ABCC10: variants seen among roughly 807,000 people sequenced by gnomAD.
ABCC10 encodes ATP binding cassette subfamily C member 10, also known as ATP-binding cassette sub-family C member 10.
ABCC10 carries 110 observed loss-of-function variants against 143.2 expected under a neutral mutation model. The observed-to-expected ratio is 0.77, with a 90% CI of 0.66 to 0.90. The LOEUF (loss-of-function observed/expected upper bound fraction) is 0.90. ABCC10 is among the 40% of genes least tolerant of loss of function. The probability of loss-of-function intolerance (pLI) is 0.00; values close to 1 mark genes in which losing one functional copy is unlikely to be tolerated. For synonymous variants in ABCC10, 805 were observed against 846.7 expected, an observed-to-expected ratio of 0.95 and a Z score of 0.85; for missense variants, 1,700 against 1,900.5, an observed-to-expected ratio of 0.89 and a Z score of 1.96.
Position 43,443,101 on chromosome 6 carries a change from G to C in ABCC10, c.2358G>C (p.Glu786Asp). ...TTRLLCTHRT[E>D]YLERADAVLL... ...GGCTGCTCTGCACCCACCGCACTGA[G>C]TACCTGGAGAGGGCTGACGCGGTGC... is the stretch of plus-strand genomic sequence containing the variant. The change falls in exon 10 of 22, where the codon GAG becomes GAC. Residue 786 changes from glutamate (E) to aspartate (D), a missense_variant. Transcript: ENST00000372530. This position sits in a 1 kb window ranked among gnomAD's most constrained non-coding sequence, Gnocchi z 4.2. 6.2e-7 allele frequency: 1 copy of C among 1,611,872 alleles called. No homozygotes were observed. The highest frequency in any genetic ancestry group is 8.5e-7 in the Non-Finnish European group (1 of 1,179,948).
chr6:43,433,344 A>G lies in ABCC10; in HGVS notation c.1364A>G (p.Lys455Arg). 1 of 1,612,140 alleles carries G rather than the reference A, an allele frequency of 6.2e-7. No homozygotes were observed. The highest frequency in any genetic ancestry group is 8.5e-7 in the Non-Finnish European group (1 of 1,178,504). The part of the protein sequence containing the change: ...MASNQEMLQH[K>R]DARVKLVTEL... ...AGCAACCAGGAAATGCTACAGCACA[A>G]GGATGCGCGGGTTAAGGTGAGCGGG... The change falls in exon 3 of 22, where the codon AAG becomes AGG. Residue 455 changes from lysine to arginine, a missense_variant. Physicochemically the swap from Lys to Arg is conservative, Grantham distance 26. Transcript: ENST00000372530.
Position 43,432,434 on chromosome 6 carries a change from T to G in ABCC10, c.454T>G (p.Leu152Val). Residue 152 changes from leucine to valine, a missense_variant, in exon 3 of 22, where the codon TTG (leucine) becomes GTG (valine). Leu to Val is a conservative substitution (Grantham distance 32, BLOSUM62 1). Coordinates refer to ENST00000372530, the MANE Select transcript of ABCC10 (RefSeq NM_001198934.2). Reference sequence around the variant, plus strand: ...AGCTCCAGCCCTAGTGCTGACCGTGTTGTGGCATTGCCAGCGAGGCACACT... The same window carrying G: ...AGCTCCAGCCCTAGTGCTGACCGTGGTGTGGCATTGCCAGCGAGGCACACT... ...LPAPALVLTV[L>V]WHCQRGTLLP... is the part of the protein sequence containing the mutation. 1 of 1,611,926 alleles carries G rather than the reference T, an allele frequency of 6.2e-7. No homozygotes were observed. The highest frequency in any genetic ancestry group is 8.5e-7 in the Non-Finnish European group (1 of 1,180,028).
chr6:43,450,429 G>T, downstream of ABCC10: 1 of 1,234,550 alleles, frequency 8.1e-7, no homozygotes, highest in Non-Finnish European at 1.1e-6. The surrounding 1 kb of genome is among the most constrained non-coding windows in gnomAD (Gnocchi z 4.5). Flanking sequence ...CTGGTGTGAG[G>T]CTGAGGTCTC....
rs1235414623 is a variant in ABCC10 at position 43,446,336 on chromosome 6, G to A, written c.3434G>A (p.Ser1145Asn). Residue 1145 changes from serine to asparagine, a missense_variant, in exon 16 of 22, where the codon AGT becomes AAT. Ser to Asn is a conservative substitution (Grantham distance 46, BLOSUM62 1). Coordinates refer to ENST00000372530, the MANE Select transcript of ABCC10 (RefSeq NM_001198934.2). Reference protein sequence around the residue: ...ELNQRCQFATSATMQWLDIRL... With the variant: ...ELNQRCQFATNATMQWLDIRL... ...AACCAGAGGTGCCAGTTTGCCACCA[G>A]TGCCACAATGCAGTGGCTGGACATT... 1 of 1,613,974 alleles carries A rather than the reference G, an allele frequency of 6.2e-7. No homozygotes were observed. Among genetic ancestry groups the A allele is most frequent in the Non-Finnish European group, 8.5e-7 (1 of 1,179,946 alleles).
At position 43,434,595 on chromosome 6, in the gene ABCC10, G is replaced by A. The variant is rs199712867; in HGVS notation, c.1381-26G>A. The A allele has an allele frequency of 6.9e-4, 1,108 of 1,598,908 alleles. 2 individuals are homozygous for A. Among genetic ancestry groups the A allele is most frequent in the Non-Finnish European group, 9.0e-4 (1,058 of 1,170,278 alleles). On this transcript the variant is annotated intron_variant, in intron 3 of 21. Transcript: ENST00000372530. Reference sequence around the variant, plus strand: ...CACATGAGCAGTGCCTCCACTTCACGCCTCTCCCTTGTCTCCTTTCCCTAG... The same window carrying A: ...CACATGAGCAGTGCCTCCACTTCACACCTCTCCCTTGTCTCCTTTCCCTAG...
intron 18 of ABCC10, 109 bp from the exon 19 acceptor site, chr6:43,448,772 G>C (rs899445180): frequency 4.4e-6 from 6 of 1,369,210 alleles, no homozygotes; most frequent in Non-Finnish European, 6.0e-6. Flanking sequence ...TTATGTTCAG[G>C]TCTCATACCC....
At chr6:43,432,023 A>C in intron 2 of ABCC10, 119 bp from the exon 3 acceptor site, 7 of 1,482,784 alleles carry the variant, frequency 4.7e-6, no homozygotes, top group South Asian at 2.8e-5. Flanking sequence ...AGTAGGGATA[A>C]GATGTGCAAG....
chr6:43,428,795 C>T (rs1780781134), intron 2 of ABCC10, among the ~76,000 whole-genome samples: 1 of 152,076 alleles, frequency 6.6e-6, no homozygotes, highest in Non-Finnish European at 1.5e-5. Context: ...TTTGGGAGTT[C>T]CTAGTCTGAT....
At chr6:43,451,152 A>C (rs747684894), downstream of ABCC10, 1 of 1,614,206 alleles carries the variant, frequency 6.2e-7, no homozygotes, top group Non-Finnish European at 8.5e-7. This position sits in a 1 kb window ranked among gnomAD's most constrained non-coding sequence, Gnocchi z 4.4. Context: ...ACAAGGCCGC[A>C]TCAGGCAGTC....
Position 43,445,665 on chromosome 6 carries a change from G to T in ABCC10, c.3097G>T (p.Ala1033Ser). Residue 1033 changes from alanine to serine, a missense_variant, in exon 15 of 22, where the codon GCC (alanine) becomes TCC (serine). By Grantham distance (99) the Ala-to-Ser change is moderately conservative. Coordinates refer to ENST00000372530, the MANE Select transcript of ABCC10 (RefSeq NM_001198934.2). ...CCTAAACCGCTTCTCCTCTGATGTG[G>T]CCTGTGCGGATGACAGCCTGCCCTT... ...RILNRFSSDV[A>S]CADDSLPFIL... The T allele has an allele frequency of 6.2e-7, 1 of 1,614,216 alleles. No homozygotes were observed. Among genetic ancestry groups the T allele is most frequent in the Non-Finnish European group, 8.5e-7 (1 of 1,180,044 alleles).
At chr6:43,446,228 G>A (rs377526427) in intron 15 of ABCC10, 49 bp from the exon 16 acceptor site, 1 of 1,580,978 alleles carries the variant, frequency 6.3e-7, no homozygotes, top group African/African-American at 1.3e-5. Flanking sequence ...GAGGCTGGGT[G>A]GCTCAGGGCA....
chr6:43,449,825 G>T (rs371736158), intron 21 of ABCC10, 104 bp from the exon 22 acceptor site: 4 of 1,365,816 alleles, frequency 2.9e-6, no homozygotes, highest in East Asian at 5.0e-5. Flanking sequence ...AGCCTGTGGG[G>T]ACAGACCTGT....
Position 43,436,135 on chromosome 6 carries a change from C to A in ABCC10, c.1766-3C>A. 2 of 1,614,216 alleles carry A rather than the reference C, an allele frequency of 1.2e-6. No individual in the cohort carries two copies. The highest frequency in any genetic ancestry group is 1.3e-5 in the African/African-American group (1 of 75,058). ...GCCCAAATCAAGTGGCTTCTCTGTT[C>A]AGATCCCCCTGCAGAGCCATCTACA... On this transcript the variant is annotated splice_region_variant and splice_polypyrimidine_tract_variant and intron_variant, in intron 5 of 21. Coordinates refer to ENST00000372530, the MANE Select transcript of ABCC10 (RefSeq NM_001198934.2).
Position 43,443,919 on chromosome 6 carries a change from C to T in ABCC10, c.2417-14C>T. 2 of 1,608,870 alleles carry T rather than the reference C, an allele frequency of 1.2e-6. No individual in the cohort carries two copies. The highest frequency in any genetic ancestry group is 8.5e-7 in the Non-Finnish European group (1 of 1,175,186). On this transcript the variant is annotated splice_polypyrimidine_tract_variant and intron_variant, in intron 10 of 21. Coordinates refer to ENST00000372530, the MANE Select transcript of ABCC10 (RefSeq NM_001198934.2). This position sits in a 1 kb window ranked among gnomAD's most constrained non-coding sequence, Gnocchi z 4.2. Reference sequence around the variant, plus strand: ...CAGAACAGTCCTCTCCCAATCTCCCCTTCTACCCTCCAGGACCTCCCTCTG... The same window carrying T: ...CAGAACAGTCCTCTCCCAATCTCCCTTTCTACCCTCCAGGACCTCCCTCTG...
At chr6:43,442,605 C>T (rs554090758) in intron 9 of ABCC10, among the ~76,000 whole-genome samples, 4 of 152,014 alleles carry the variant, frequency 2.6e-5, no homozygotes, top group African/African-American at 4.8e-5. Flanking sequence ...TAGCATGCAC[C>T]TGTAGTCCCA....
intron 18 of ABCC10, 71 bp downstream of exon 18, chr6:43,448,008 A>G: frequency 6.3e-7 from 1 of 1,587,998 alleles, no homozygotes; most frequent in South Asian, 1.1e-5. Context: ...GGGCATAGCC[A>G]GGAAGGCTTT....
rs1581718907 is a variant in ABCC10 at position 43,434,912 on chromosome 6, TGGGCC to T, written c.1608+65_1608+69del. The T allele has an allele frequency of 2.4e-5, 37 of 1,539,592 alleles. No individual in the cohort carries two copies. In the East Asian group the frequency reaches 8.4e-4, roughly 35 times the overall value. On this transcript the variant is annotated intron_variant, in intron 4 of 21. Coordinates refer to ENST00000372530, the MANE Select transcript of ABCC10 (RefSeq NM_001198934.2). ...CTTCAGCGAAGTGAAGACAGAGGCT[TGGGCC>T]CTCAGTGCTGGCTGAGAAGGAGGGA...
chr6:43,451,264 G>A (rs1231184388), downstream of ABCC10: 4 of 1,613,820 alleles, frequency 2.5e-6, no homozygotes, highest in Non-Finnish European at 3.4e-6. This position sits in a 1 kb window ranked among gnomAD's most constrained non-coding sequence, Gnocchi z 4.4. Context: ...CCGCCATTGC[G>A]GCATGGGGAG....
rs1389079176 is a variant in ABCC10, at chr6:43,436,164, T to A, written c.1792T>A (p.Leu598Met). 6.2e-7 allele frequency: 1 copy of A among 1,614,022 alleles called. No individual in the cohort carries two copies. Among genetic ancestry groups the A allele is most frequent in the Non-Finnish European group, 8.5e-7 (1 of 1,180,006 alleles). Residue 598 changes from leucine (L) to methionine (M), a missense_variant, in exon 6 of 22, where the codon TTG becomes ATG. Transcript: ENST00000372530. Reference protein sequence around the residue: ...PDPPAEPSTVLELHGALFSWD... With the variant: ...PDPPAEPSTVMELHGALFSWD... The stretch of plus-strand genomic sequence containing the variant: ...TCCCCCTGCAGAGCCATCTACAGTA[T>A]TGGAGCTGCATGGAGCCTTGTTCTC...
Sources: gnomAD v4.1 joint callset for allele counts (sites outside exome capture counted in the v4.1 genomes callset) on GRCh38, gnomAD v4.1.1 for gene constraint, Gnocchi (gnomAD v3.1) non-coding constraint, MANE v1.5 for transcripts, NCBI Gene and HGNC (gene_info 2026-07-23, HGNC 2026-07-21) for gene names.